The following RTL4 variants were observed in gnomAD, a reference collection of about 807,000 sequenced individuals.
RTL4 encodes retrotransposon Gag-like protein 4.
Under a neutral mutation model 5.3 loss-of-function variants are expected in RTL4, and 4 were observed. The ratio of observed to expected loss-of-function variants is 0.75; its 90% confidence interval spans 0.37 to 1.72. The LOEUF (loss-of-function observed/expected upper bound fraction) is 1.72, where lower values mean the gene tolerates loss of function less well. Among genes scored for constraint, RTL4 ranks in the 40% most tolerant of loss-of-function variants. The probability of loss-of-function intolerance (pLI) is 0.04; values close to 1 mark genes in which losing one functional copy is unlikely to be tolerated. For synonymous variants in RTL4, 98 were observed against 87.3 expected (o/e 1.12, Z -0.68); for missense variants, 260 against 227.1 (o/e 1.14, Z -0.93).
the RTL4 span, among the ~76,000 whole-genome samples, chrX:112,179,458 T>G: frequency 8.9e-6 from 1 of 111,926 alleles, no homozygotes; most frequent in Non-Finnish European, 1.9e-5. Flanking sequence ...CTGGGTTATA[T>G]GTTGGGTCGG....
At chrX:112,244,696 T>C in the RTL4 span, among the ~76,000 whole-genome samples, 1 of 111,922 alleles carries the variant, frequency 8.9e-6, no homozygotes, top group African/African-American at 3.3e-5. Context: ...ACATTTACAT[T>C]TAAGATTAAT....
the RTL4 span, among the ~76,000 whole-genome samples, chrX:112,137,147 T>A: frequency 1.8e-5 from 2 of 109,486 alleles, no homozygotes; most frequent in Non-Finnish European, 3.8e-5. Context: ...ACTCAATATT[T>A]AAAAAAAAAG....
chrX:112,265,249 T>C, the RTL4 span, among the ~76,000 whole-genome samples: 1 of 112,753 alleles, frequency 8.9e-6, no homozygotes, highest in Middle Eastern at 4.6e-3. Flanking sequence ...GGTCATAATC[T>C]TTACTTTGCC....
the RTL4 span, among the ~76,000 whole-genome samples, chrX:112,214,111 G>A: frequency 9.0e-6 from 1 of 111,440 alleles, no homozygotes; most frequent in Non-Finnish European, 1.9e-5. Context: ...ATGCTGTATA[G>A]TAGATCTCTA....
chrX:112,375,524 C>A, the RTL4 span, among the ~76,000 whole-genome samples: 714 of 110,983 alleles, frequency 6.4e-3, 4 homozygotes, highest in African/African-American at 0.022. Flanking sequence ...CACTTTTTTC[C>A]ATGGGGGAAA....
the RTL4 span, among the ~76,000 whole-genome samples, chrX:112,303,283 T>C: frequency 9.0e-6 from 1 of 111,219 alleles, no homozygotes; most frequent in African/African-American, 3.3e-5. Flanking sequence ...TCATTACGTG[T>C]TAATTAGGTA....
At chrX:112,238,400 C>CA in the RTL4 span, among the ~76,000 whole-genome samples, 1 of 111,620 alleles carries the variant, frequency 9.0e-6, no homozygotes, top group African/African-American at 3.3e-5. Flanking sequence ...TTGATATATA[C>CA]AGATCTAGTT....
At chrX:112,367,196 G>A in the RTL4 span, among the ~76,000 whole-genome samples, 4 of 111,443 alleles carry the variant, frequency 3.6e-5, no homozygotes, top group Non-Finnish European at 7.6e-5. Context: ...GTAAATAGCA[G>A]ATTAGAAGCA....
the RTL4 span, among the ~76,000 whole-genome samples, chrX:112,145,146 G>A: frequency 9.0e-6 from 1 of 111,677 alleles, no homozygotes; most frequent in Admixed American, 9.5e-5. Flanking sequence ...CTTAACTGGA[G>A]TGTGTCAAGC....
the RTL4 span, among the ~76,000 whole-genome samples, chrX:112,147,349 T>C: frequency 9.0e-6 from 1 of 111,077 alleles, no homozygotes; most frequent in Non-Finnish European, 1.9e-5. Context: ...ATGGATTCTA[T>C]GTGAATTTCA....
chrX:112,164,459 T>C, the RTL4 span, among the ~76,000 whole-genome samples: 2 of 112,166 alleles, frequency 1.8e-5, no homozygotes, highest in Non-Finnish European at 3.8e-5. Flanking sequence ...CAAATCTCAA[T>C]ACTTTAGTCA....
At chrX:112,358,358 T>C in the RTL4 span, among the ~76,000 whole-genome samples, 1 of 110,259 alleles carries the variant, frequency 9.1e-6, no homozygotes, top group Non-Finnish European at 1.9e-5. Context: ...ACAAAATCAC[T>C]TTCAACCGAA....
the RTL4 span, among the ~76,000 whole-genome samples, chrX:112,116,048 C>T: frequency 8.9e-6 from 1 of 112,042 alleles, no homozygotes; most frequent in East Asian, 2.8e-4. Context: ...AGAGGCAAAC[C>T]AGGCTCCCAA....
the RTL4 span, among the ~76,000 whole-genome samples, chrX:112,334,782 C>CT: frequency 5.4e-5 from 6 of 111,140 alleles, no homozygotes; most frequent in Non-Finnish European, 9.4e-5. Context: ...CCATTAGTGT[C>CT]TTTTTTGTGT....
At chrX:112,367,951 A>C in the RTL4 span, among the ~76,000 whole-genome samples, 41 of 112,152 alleles carry the variant, frequency 3.7e-4, no homozygotes, top group African/African-American at 1.3e-3. Context: ...ATGAAAAATA[A>C]TTTGGCATGA....
the RTL4 span, among the ~76,000 whole-genome samples, chrX:112,442,748 G>A: frequency 9.0e-6 from 1 of 111,125 alleles, no homozygotes; most frequent in Non-Finnish European, 1.9e-5. Context: ...AAGAAGGGAG[G>A]AAGAGCTAAA....
chrX:112,381,250 T>C, the RTL4 span: 1 of 1,204,419 alleles, frequency 8.3e-7, no homozygotes. Flanking sequence ...TCAGGATGAA[T>C]GCTTGGATTC....
chrX:112,105,960 A>G, the RTL4 span, among the ~76,000 whole-genome samples: 1 of 111,613 alleles, frequency 9.0e-6, no homozygotes, highest in Non-Finnish European at 1.9e-5. Context: ...TTTGTTCCTG[A>G]TCTTACAGAA....
chrX:112,292,405 C>G, the RTL4 span, among the ~76,000 whole-genome samples: 1 of 111,951 alleles, frequency 8.9e-6, no homozygotes, highest in East Asian at 2.8e-4. Context: ...ATTAAGAGAA[C>G]TGAGAGTGCT....
Sources: allele counts gnomAD v4.1 joint callset (sites outside exome capture counted in the v4.1 genomes callset), GRCh38; gene constraint gnomAD v4.1.1; transcripts MANE v1.5; gene names NCBI Gene and HGNC (gene_info 2026-07-23, HGNC 2026-07-21).